Variants in SPIRE1 observed in about 807,000 individuals in gnomAD.
The protein encoded by SPIRE1 is protein spire homolog 1.
A neutral mutation model predicts 94.1 loss-of-function variants in SPIRE1; 40 were observed. The observed-to-expected ratio is 0.43, with a 90% confidence interval of 0.33 to 0.55. The LOEUF (loss-of-function observed/expected upper bound fraction) is 0.55, where lower values mean the gene tolerates loss of function less well. SPIRE1 is among the 20% of genes least tolerant of loss of function. The pLI, the probability that SPIRE1 is intolerant of heterozygous loss-of-function variation, is 0.06. For synonymous variants in SPIRE1, 376 were observed against 371.7 expected (o/e 1.01, Z -0.13); for missense variants, 838 against 975.2 (o/e 0.86, Z 1.87).
intron 3 of SPIRE1, among the ~76,000 whole-genome samples, chr18:12,537,402 T>C (rs1338661436): frequency 6.6e-6 from 1 of 152,154 alleles, no homozygotes; most frequent in East Asian, 1.9e-4. Flanking sequence ...CTATCCACAG[T>C]AAGAAATAAA....
At chr18:12,618,954 G>A (rs544586699) in intron 2 of SPIRE1, among the ~76,000 whole-genome samples, 3 of 151,898 alleles carry the variant, frequency 2.0e-5, no homozygotes, top group Admixed American at 6.6e-5. Context: ...GTGCGATCTC[G>A]GCTCACCACA....
At chr18:12,589,529 T>C (rs2036474014) in intron 2 of SPIRE1, among the ~76,000 whole-genome samples, 1 of 152,154 alleles carries the variant, frequency 6.6e-6, no homozygotes, top group Non-Finnish European at 1.5e-5. Context: ...ATTGCCAGGA[T>C]ACATAAAATG....
At chr18:12,461,429 T>TGG (rs2031799231) in intron 12 of SPIRE1, among the ~76,000 whole-genome samples, 1 of 141,136 alleles carries the variant, frequency 7.1e-6, no homozygotes, top group Non-Finnish European at 1.5e-5. Flanking sequence ...TGTGTGTGTG[T>TGG]ATGTATGTAT....
chr18:12,506,516 A>G lies in SPIRE1; in HGVS notation c.933T>C (p.Asp311=), dbSNP rs1302710536. The G allele has an allele frequency of 6.2e-7, 1 of 1,614,044 alleles. No homozygotes were observed. Among genetic ancestry groups the G allele is most frequent in the South Asian group, 1.1e-5 (1 of 91,074 alleles). ...AGGTGTATCTTTTGCAGCGAATGTC[A>G]TCCATTAACATCTCATAAGGGGTGA... ...YQLTPYEMLM[D]DIRCKRYTLR... The change falls in exon 6 of 17, where the codon GAT becomes GAC. Residue 311 remains aspartate, a synonymous_variant. Coordinates refer to ENST00000409402, the MANE Select transcript of SPIRE1 (RefSeq NM_001128626.2).
intron 2 of SPIRE1, among the ~76,000 whole-genome samples, chr18:12,608,442 T>C (rs985673744): frequency 5.3e-5 from 8 of 152,214 alleles, no homozygotes; most frequent in Non-Finnish European, 2.9e-5. Flanking sequence ...GCACAATAGT[T>C]AGACATTTAG....
intron 9 of SPIRE1, among the ~76,000 whole-genome samples, chr18:12,483,442 G>C (rs184937163): frequency 8.6e-4 from 131 of 152,116 alleles, no homozygotes; most frequent in African/African-American, 3.0e-3. Flanking sequence ...AAATATTTAA[G>C]AGGTGAAATA....
chr18:12,614,613 C>CA lies in SPIRE1; in HGVS notation c.372+20448dup, dbSNP rs567350239. On this transcript the variant is annotated intron_variant, in intron 2 of 16. Coordinates refer to ENST00000409402, the MANE Select transcript of SPIRE1 (RefSeq NM_001128626.2). ...GGCAGATCACCTGAGGTCAGGAGTT[C>CA]AAGACCAGCATGGCCAACATGGTGA... Among the ~76,000 whole-genome samples, 18 of 151,970 alleles carry CA rather than the reference C, an allele frequency of 1.2e-4. 1 individual carries two copies. The South Asian group carries it at 3.7e-3, about 32-fold the overall frequency.
intron 2 of SPIRE1, among the ~76,000 whole-genome samples, chr18:12,625,493 C>T (rs1272322605): frequency 6.6e-6 from 1 of 152,084 alleles, no homozygotes; most frequent in Non-Finnish European, 1.5e-5. Flanking sequence ...ACCCATAAAG[C>T]GTAAGATCAG....
chr18:12,477,883 G>T (rs1023254018), intron 10 of SPIRE1, among the ~76,000 whole-genome samples: 1 of 152,128 alleles, frequency 6.6e-6, no homozygotes, highest in Admixed American at 6.6e-5. Flanking sequence ...GACCAGAGGT[G>T]TCTGCAGGCG....
intron 10 of SPIRE1, among the ~76,000 whole-genome samples, chr18:12,476,163 C>A (rs1209282078): frequency 6.6e-6 from 1 of 152,118 alleles, no homozygotes; most frequent in African/African-American, 2.4e-5. Flanking sequence ...TTGATTAATA[C>A]AAACACAAAA....
chr18:12,462,848 GAA>G (rs891107895), intron 12 of SPIRE1, among the ~76,000 whole-genome samples: 1 of 143,498 alleles, frequency 7.0e-6, no homozygotes, highest in Admixed American at 7.0e-5. Flanking sequence ...AAATTTTCTT[GAA>G]AAAAAAAAAG....
intron 2 of SPIRE1, among the ~76,000 whole-genome samples, chr18:12,560,427 T>C (rs1598472828): frequency 6.6e-6 from 1 of 152,182 alleles, no homozygotes; most frequent in Non-Finnish European, 1.5e-5. Flanking sequence ...GATCCTGTCA[T>C]TTGCAACAAC....
chr18:12,621,041 G>A (rs1405312295), intron 2 of SPIRE1, among the ~76,000 whole-genome samples: 2 of 152,146 alleles, frequency 1.3e-5, no homozygotes, highest in African/African-American at 2.4e-5. Context: ...GTGAGAGAGC[G>A]AGACCATGTC....
At chr18:12,604,913 G>C (rs1005276477) in intron 2 of SPIRE1, among the ~76,000 whole-genome samples, 1 of 152,128 alleles carries the variant, frequency 6.6e-6, no homozygotes, top group African/African-American at 2.4e-5. Context: ...ATATGATCCA[G>C]CCTTCAAAAA....
At chr18:12,526,419 C>T (rs112566721) in intron 4 of SPIRE1, among the ~76,000 whole-genome samples, 31 of 152,304 alleles carry the variant, frequency 2.0e-4, no homozygotes, top group African/African-American at 7.2e-4. Flanking sequence ...CAGCACCCTG[C>T]ACCCACTGGC....
intron 2 of SPIRE1, among the ~76,000 whole-genome samples, chr18:12,606,515 T>A (rs1461310163): frequency 6.7e-6 from 1 of 149,896 alleles, no homozygotes; most frequent in African/African-American, 2.5e-5. Context: ...TAAATTATTT[T>A]CTCTCTTTAA....
intron 2 of SPIRE1, among the ~76,000 whole-genome samples, chr18:12,623,317 C>T (rs1319721295): frequency 6.6e-6 from 1 of 151,936 alleles, no homozygotes; most frequent in Non-Finnish European, 1.5e-5. Context: ...CCACGCCTGG[C>T]TGATTTTTTG....
At chr18:12,615,345 A>ATAT (rs1555632289) in intron 2 of SPIRE1, among the ~76,000 whole-genome samples, 7 of 17,246 alleles carry the variant, frequency 4.1e-4, no homozygotes, top group South Asian at 2.7e-3. Flanking sequence ...AAAAAAAAAA[A>ATAT]ATATATATAT....
chr18:12,507,207 C>T (rs138110397), intron 5 of SPIRE1, among the ~76,000 whole-genome samples: 6 of 152,222 alleles, frequency 3.9e-5, no homozygotes, highest in Non-Finnish European at 5.9e-5. Flanking sequence ...TTGCTTTATG[C>T]GGCTGTGATT....
Sources: allele counts gnomAD v4.1 joint callset (sites outside exome capture counted in the v4.1 genomes callset), GRCh38; gene constraint gnomAD v4.1.1; transcripts MANE v1.5; gene names NCBI Gene and HGNC (gene_info 2026-07-23, HGNC 2026-07-21).